Variants in ZMYM5 observed in about 807,000 individuals in gnomAD.
ZMYM5 encodes zinc finger MYM-type containing 5.
ZMYM5 carries 41 observed loss-of-function variants against 61.8 expected under a neutral mutation model. The observed-to-expected ratio is 0.66, with a 90% CI of 0.52 to 0.86. ZMYM5 has a LOEUF of 0.86. ZMYM5 is among the 40% of genes least tolerant of loss of function. ZMYM5 has a pLI of 0.00. For synonymous variants in ZMYM5, 257 were observed against 276.4 expected (o/e 0.93, Z 0.70); for missense variants, 706 against 786.7 (o/e 0.90, Z 1.23).
At chr13:19,825,277 T>C (rs950386306) in intron 7 of ZMYM5, 42 bp from the exon 8 acceptor site, 1 of 1,194,812 alleles carries the variant, frequency 8.4e-7, no homozygotes, top group Admixed American at 3.7e-5. Flanking sequence ...AGGTTAAACT[T>C]TTAAAAATTA....
chr13:19,854,482 A>T (rs1020467705), intron 2 of ZMYM5, among the ~76,000 whole-genome samples: 2 of 151,964 alleles, frequency 1.3e-5, no homozygotes, highest in Admixed American at 6.6e-5. Context: ...AAAATTAGTC[A>T]GTCGTGGTGG....
chr13:19,836,224 CA>C lies in ZMYM5; in HGVS notation c.1039-536del, dbSNP rs1297706584. On this transcript the variant is annotated intron_variant, in intron 6 of 7. Coordinates refer to ENST00000337963, the MANE Select transcript of ZMYM5 (RefSeq NM_001142684.2). ...AAGATTCATAGGAAAGCAATAAAAT[CA>C]ATAATAACTTCCCTAAAGACATTTA... Among the ~76,000 whole-genome samples the C allele has an allele frequency of 2.6e-5, 4 of 151,510 alleles. No homozygotes were observed. In the East Asian group the frequency reaches 7.7e-4, roughly 29 times the overall value.
chr13:19,833,831 A>C (rs1952593163), intron 7 of ZMYM5, among the ~76,000 whole-genome samples: 1 of 152,206 alleles, frequency 6.6e-6, no homozygotes, highest in Non-Finnish European at 1.5e-5. Context: ...AAATGAAAAG[A>C]CAAATCAGTC....
intron 4 of ZMYM5, 148 bp from the exon 5 acceptor site, chr13:19,839,133 CA>C (rs1258286261): frequency 2.3e-5 from 19 of 834,736 alleles, no homozygotes; most frequent in African/African-American, 3.5e-5. Flanking sequence ...TGCACAATCC[CA>C]GGGGGACTAT....
chr13:19,835,811 A>G, intron 6 of ZMYM5, 122 bp from the exon 7 acceptor site: 1 of 667,042 alleles, frequency 1.5e-6, no homozygotes. Context: ...AGAGGAAGAT[A>G]TACCCAGGGA....
chr13:19,856,643 A>C (rs889792948), intron 2 of ZMYM5, among the ~76,000 whole-genome samples: 1 of 146,394 alleles, frequency 6.8e-6, no homozygotes, highest in Non-Finnish European at 1.5e-5. Flanking sequence ...TCTGTCTCAG[A>C]AGAAAAAAAA....
intron 2 of ZMYM5, among the ~76,000 whole-genome samples, chr13:19,853,133 T>C (rs1228693988): frequency 2.0e-5 from 3 of 152,236 alleles, no homozygotes; most frequent in Non-Finnish European, 2.9e-5. Flanking sequence ...ATTACAGGCA[T>C]GAGCCATGGT....
chr13:19,844,425 T>A (rs1953004446), intron 4 of ZMYM5, among the ~76,000 whole-genome samples: 1 of 152,246 alleles, frequency 6.6e-6, no homozygotes, highest in South Asian at 2.1e-4. Context: ...GAGTTCTATG[T>A]TGTCTCAGGT....
At chr13:19,848,854 A>G (rs1953179869) in intron 4 of ZMYM5, among the ~76,000 whole-genome samples, 1 of 152,090 alleles carries the variant, frequency 6.6e-6, no homozygotes, top group Non-Finnish European at 1.5e-5. Flanking sequence ...CCTCTTGAAT[A>G]GCTGGGACTA....
At chr13:19,858,517 A>G (rs1206349042) in intron 2 of ZMYM5, among the ~76,000 whole-genome samples, 1 of 143,570 alleles carries the variant, frequency 7.0e-6, no homozygotes, top group African/African-American at 2.5e-5. Flanking sequence ...CCTGGGAGAT[A>G]GAGGCTGCAG....
At chr13:19,848,744 A>G (rs1373687222) in intron 4 of ZMYM5, among the ~76,000 whole-genome samples, 1 of 152,044 alleles carries the variant, frequency 6.6e-6, no homozygotes, top group Non-Finnish European at 1.5e-5. Flanking sequence ...CACGTTGGCC[A>G]GGGTGGTCTC....
At chr13:19,844,825 G>T (rs940632912) in intron 4 of ZMYM5, among the ~76,000 whole-genome samples, 4 of 152,144 alleles carry the variant, frequency 2.6e-5, no homozygotes, top group Non-Finnish European at 5.9e-5. Flanking sequence ...GTTTCATCAT[G>T]TTGGCCAGGC....
chr13:19,831,050 A>G (rs1311054743), intron 7 of ZMYM5, among the ~76,000 whole-genome samples: 1 of 151,350 alleles, frequency 6.6e-6, no homozygotes, highest in Non-Finnish European at 1.5e-5. Context: ...CGTGTTAGCC[A>G]GGATGGTCTT....
chr13:19,825,609 T>C (rs1566082854), intron 7 of ZMYM5, among the ~76,000 whole-genome samples: 1 of 148,864 alleles, frequency 6.7e-6, no homozygotes, highest in Non-Finnish European at 1.5e-5. Flanking sequence ...ATCGCGCCAC[T>C]GCACTCCAGT....
In ZMYM5 at chr13:19,851,425, A is replaced by C; in HGVS notation, c.516T>G (p.Phe172Leu). The C allele has an allele frequency of 1.9e-6, 3 of 1,614,144 alleles. 1 individual carries two copies. The highest frequency in any genetic ancestry group is 3.3e-4 in the Middle Eastern group (2 of 6,058). ...RSKTKTGVRP[F>L]NPGRMNVAGD... ...CTGCCACATTCATTCTACCAGGGTT[A>C]AAAGGTCTTACTCCAGTCTTGGTCT... The change falls in exon 4 of 8, where the codon TTT becomes TTG. Residue 172 changes from phenylalanine (F) to leucine (L), a missense_variant. Transcript: ENST00000337963.
chr13:19,831,814 A>G (rs78609895), intron 7 of ZMYM5, among the ~76,000 whole-genome samples: 1 of 148,606 alleles, frequency 6.7e-6, no homozygotes, highest in Non-Finnish European at 1.5e-5. Flanking sequence ...AAAAAAAAAA[A>G]CCATATGTAT....
Position 19,824,698 on chromosome 13 carries a change from C to T in ZMYM5, c.1789G>A (p.Gly597Arg). ...TTTTTCAGTTGATTTTTTCCTTCCCCAAAGAGTTTGCAATATAGACAAAAC... is the reference window on the plus strand; with the variant it reads ...TTTTTCAGTTGATTTTTTCCTTCCCTAAAGAGTTTGCAATATAGACAAAAC... Reference protein sequence around the residue: ...SVFCLYCKLFGEGKNQLKNEN... With the variant: ...SVFCLYCKLFREGKNQLKNEN... Residue 597 changes from glycine to arginine, a missense_variant, in exon 8 of 8, where the codon GGG becomes AGG. Gly to Arg is a moderately radical substitution (Grantham distance 125). This residue lies in a region of ZMYM5 where 226 missense variants were observed against 325.0 expected (regional missense o/e 0.70). Coordinates refer to ENST00000337963, the MANE Select transcript of ZMYM5 (RefSeq NM_001142684.2). The T allele has an allele frequency of 3.0e-6, 4 of 1,351,018 alleles. No homozygotes were observed. Among genetic ancestry groups the T allele is most frequent in the Non-Finnish European group, 3.9e-6 (4 of 1,014,672 alleles). 83.7% of individuals were successfully genotyped at this position (1,351,018 alleles called of 1,614,324 possible).
chr13:19,848,984 A>G (rs1265511027), intron 4 of ZMYM5, among the ~76,000 whole-genome samples: 4 of 152,184 alleles, frequency 2.6e-5, no homozygotes, highest in South Asian at 4.1e-4. Flanking sequence ...AAAATTGAGA[A>G]TAAGTACCCT....
chr13:19,859,837 G>A (rs906421297), intron 2 of ZMYM5, among the ~76,000 whole-genome samples: 3 of 151,582 alleles, frequency 2.0e-5, no homozygotes, highest in African/African-American at 4.8e-5. Context: ...GGGTGTGGTA[G>A]TGGGTGCCTA....
Sources: gnomAD v4.1 joint callset for allele counts (sites outside exome capture counted in the v4.1 genomes callset) on GRCh38, gnomAD v4.1.1 for gene constraint, gnomAD v4.1.1 regional missense constraint, MANE v1.5 for transcripts, NCBI Gene and HGNC (gene_info 2026-07-23, HGNC 2026-07-21) for gene names.